ADCY10: variants seen among roughly 807,000 people sequenced by gnomAD.
ADCY10 encodes adenylate cyclase 10.
Under a neutral mutation model 183.3 loss-of-function variants are expected in ADCY10, and 156 were observed. The ratio of observed to expected loss-of-function variants is 0.85; its 90% CI spans 0.75 to 0.97. The LOEUF (loss-of-function observed/expected upper bound fraction) is 0.97. ADCY10 is among the 50% of genes least tolerant of loss of function. ADCY10 has a pLI of 0.00. For synonymous variants in ADCY10, 645 were observed against 670.0 expected (o/e 0.96, Z 0.58); for missense variants, 1,745 against 1,934.3 (o/e 0.90, Z 1.84).
At chr1:167,833,686 A>G (rs534034413) in intron 24 of ADCY10, among the ~76,000 whole-genome samples, 1 of 151,626 alleles carries the variant, frequency 6.6e-6, no homozygotes, top group Non-Finnish European at 1.5e-5. Context: ...CGGAATTTGC[A>G]GAGAGCCGAT....
intron 30 of ADCY10, chr1:167,818,479 G>A (rs1662667776): frequency 2.4e-5 from 16 of 659,998 alleles, no homozygotes; most frequent in Admixed American, 1.0e-4. Flanking sequence ...GACTTGAGAT[G>A]AATAGAATCC....
rs115393381 is a variant in ADCY10 at position 167,845,394 on chromosome 1, C to T, written c.3007+169G>A. On this transcript the variant is annotated intron_variant, in intron 21 of 32. Coordinates refer to ENST00000367851, the MANE Select transcript of ADCY10 (RefSeq NM_018417.6). Reference sequence around the variant, plus strand: ...CGCTAGACTCAATACAGGTACATTCCCTTACTTTTCTCTTCCCCATTGGCC... The same window carrying T: ...CGCTAGACTCAATACAGGTACATTCTCTTACTTTTCTCTTCCCCATTGGCC... 1.4e-4 allele frequency: 98 copies of T among 684,698 alleles called. No individual in the cohort carries two copies. The African/African-American group carries it at 1.5e-3, about 10-fold the overall frequency. 42.4% of individuals were successfully genotyped at this position (684,698 alleles called of 1,614,324 possible).
Position 167,902,246 on chromosome 1 carries a change from C to T in ADCY10, c.254-192G>A, listed in dbSNP as rs116637817. ...TGTTTCCTCAAGTGGAGAATGAGTA[C>T]GTGGAACCAGTTTACATCTATGCTC... On this transcript the variant is annotated intron_variant, in intron 3 of 32. Transcript: ENST00000367851. 2.1e-3 allele frequency among the ~76,000 whole-genome samples: 324 copies of T among 152,202 alleles called. 2 individuals carry two copies. The highest frequency in any genetic ancestry group is 7.2e-3 in the African/African-American group (299 of 41,522).
chr1:167,861,951 C>T (rs952172691), intron 14 of ADCY10, among the ~76,000 whole-genome samples: 1 of 152,210 alleles, frequency 6.6e-6, no homozygotes, highest in Non-Finnish European at 1.5e-5. Context: ...CCATGTAAGA[C>T]ATGCCTTGCT....
chr1:167,881,143 A>G (rs137955431), intron 9 of ADCY10, among the ~76,000 whole-genome samples: 167 of 152,374 alleles, frequency 1.1e-3, no homozygotes, highest in African/African-American at 3.8e-3. Flanking sequence ...ATCCTAAACT[A>G]TAAAGTACTT....
At chr1:167,856,790 A>G (rs1352895074) in intron 16 of ADCY10, among the ~76,000 whole-genome samples, 5 of 152,214 alleles carry the variant, frequency 3.3e-5, no homozygotes, top group Non-Finnish European at 7.3e-5. Context: ...AGTCATTTTA[A>G]TCTATTGAAC....
chr1:167,875,005 C>T (rs1558218368), intron 13 of ADCY10, 126 bp downstream of exon 13: 1 of 868,422 alleles, frequency 1.2e-6, no homozygotes, highest in East Asian at 2.6e-5. Flanking sequence ...TATTTCTTAA[C>T]CTGGATGATG....
rs150461550 is a variant in ADCY10 at position 167,889,218 on chromosome 1, T to C, written c.828+4635A>G. 5.9e-5 allele frequency among the ~76,000 whole-genome samples: 9 copies of C among 152,338 alleles called. No individual in the cohort carries two copies. In the East Asian group the frequency reaches 1.7e-3, roughly 29 times the overall value. The stretch of plus-strand genomic sequence containing the variant: ...TGATACTAGTGGTCGGTCTATTCTA[T>C]ATGGCTTTTCTTATGTTGAGGTATG... On this transcript the variant is annotated intron_variant, in intron 8 of 32. Coordinates refer to ENST00000367851, the MANE Select transcript of ADCY10 (RefSeq NM_018417.6).
intron 25 of ADCY10, among the ~76,000 whole-genome samples, chr1:167,831,379 A>T (rs935985474): frequency 4.6e-5 from 7 of 152,166 alleles, no homozygotes; most frequent in African/African-American, 1.7e-4. Context: ...TTTTTAGTAG[A>T]GACGGGATTT....
At chr1:167,868,982 A>G (rs1195602518) in intron 14 of ADCY10, among the ~76,000 whole-genome samples, 2 of 152,236 alleles carry the variant, frequency 1.3e-5, no homozygotes, top group Non-Finnish European at 2.9e-5. Context: ...TTGGCTCTCG[A>G]CTACTTCTAG....
At chr1:167,845,928 T>A in intron 20 of ADCY10, 57 bp downstream of exon 20, 1 of 1,613,922 alleles carries the variant, frequency 6.2e-7, no homozygotes. Context: ...CATAGGTCAA[T>A]TCTTTGATCT....
intron 8 of ADCY10, among the ~76,000 whole-genome samples, chr1:167,893,452 C>T (rs1165169052): frequency 6.6e-6 from 1 of 152,086 alleles, no homozygotes; most frequent in Non-Finnish European, 1.5e-5. Flanking sequence ...GTGGCTCATG[C>T]CCATAATCCC....
intron 25 of ADCY10, among the ~76,000 whole-genome samples, chr1:167,829,891 A>G (rs55824138): frequency 0.094 from 14,358 of 152,182 alleles, 782 homozygotes; most frequent in African/African-American, 0.16. Context: ...CAAAAGCCCA[A>G]TGTATTATTT....
At chr1:167,854,130 G>A (rs1185255553) in intron 18 of ADCY10, among the ~76,000 whole-genome samples, 2 of 152,064 alleles carry the variant, frequency 1.3e-5, no homozygotes, top group African/African-American at 4.8e-5. Flanking sequence ...GAGCCACCGC[G>A]CCCGGCCATA....
intron 8 of ADCY10, among the ~76,000 whole-genome samples, chr1:167,893,539 T>A (rs1448269496): frequency 3.3e-5 from 5 of 151,844 alleles, no homozygotes. Context: ...ATGGTGAAGC[T>A]CCATCTCTAC....
At chr1:167,869,745 A>T (rs1666964714) in intron 14 of ADCY10, among the ~76,000 whole-genome samples, 1 of 151,862 alleles carries the variant, frequency 6.6e-6, no homozygotes, top group South Asian at 2.1e-4. Context: ...TCTCATGCAG[A>T]CCCCCTTAGA....
chr1:167,870,955 A>G (rs10800332), intron 13 of ADCY10, among the ~76,000 whole-genome samples: 77,991 of 152,016 alleles, frequency 0.51, 20,243 homozygotes, highest in East Asian at 0.74. Flanking sequence ...AAGCTGTGAG[A>G]GAAAGTATTC....
chr1:167,820,661 A>G (rs545809006), intron 30 of ADCY10: 2 of 155,312 alleles, frequency 1.3e-5, no homozygotes, highest in South Asian at 2.0e-4. Flanking sequence ...ATTTCTTGCC[A>G]GGTGCAGTGG....
chr1:167,880,390 T>C, intron 10 of ADCY10, 101 bp downstream of exon 10: 1 of 1,028,578 alleles, frequency 9.7e-7, no homozygotes. Context: ...AGGACTAAGT[T>C]CTTAATTAAT....
Sources: allele counts gnomAD v4.1 joint callset (sites outside exome capture counted in the v4.1 genomes callset), GRCh38; gene constraint gnomAD v4.1.1; transcripts MANE v1.5; gene names NCBI Gene and HGNC (gene_info 2026-07-23, HGNC 2026-07-21).